INSR: variants seen among roughly 807,000 people sequenced by gnomAD.
INSR encodes the protein IR.
In INSR, 67 loss-of-function variants were observed where a neutral mutation model predicts 142.6. That is an observed-to-expected ratio of 0.47 (90% CI 0.39 to 0.58). The LOEUF (loss-of-function observed/expected upper bound fraction) is 0.58, where lower values mean the gene tolerates loss of function less well. Among genes scored for constraint, INSR ranks in the 20% least tolerant of loss-of-function variants. The pLI is 0.00. For missense variants in INSR, 1,248 were observed against 1,833.2 expected (o/e 0.68, Z 5.83); for synonymous variants, 756 against 743.1 (o/e 1.02, Z -0.28).
intron 13 of INSR, 125 bp from the exon 14 acceptor site, chr19:7,132,442 A>C (rs1182586547): frequency 1.9e-6 from 2 of 1,030,766 alleles, no homozygotes; most frequent in Non-Finnish European, 2.9e-6. Flanking sequence ...CAAAGCACAG[A>C]CTAAGACACA....
rs770749052 is a variant in INSR, at chr19:7,125,980, A to T, written c.3014-453T>A. ...ATCTCACCACCCCTTGGCCCTGGGCATGGCCTTGTGAGTTATTTTGGTCAA... is the reference window on the plus strand; with the variant it reads ...ATCTCACCACCCCTTGGCCCTGGGCTTGGCCTTGTGAGTTATTTTGGTCAA... On this transcript the variant is annotated intron_variant, in intron 16 of 21. Transcript: ENST00000302850. This position sits in a 1 kb window ranked among gnomAD's most constrained non-coding sequence, Gnocchi z 4.9. 1.3e-5 allele frequency among the ~76,000 whole-genome samples: 2 copies of T among 152,160 alleles called. No individual in the cohort carries two copies. Among genetic ancestry groups the T allele is most frequent in the Non-Finnish European group, 2.9e-5 (2 of 68,024 alleles).
At chr19:7,133,189 G>A (rs1240009642) in intron 13 of INSR, among the ~76,000 whole-genome samples, 1 of 152,160 alleles carries the variant, frequency 6.6e-6, no homozygotes, top group Non-Finnish European at 1.5e-5. Context: ...TTGAGCCCAG[G>A]AGGTCAAGGG....
chr19:7,172,516 C>T (rs1974041857), intron 4 of INSR, 82 bp from the exon 5 acceptor site: 8 of 1,460,508 alleles, frequency 5.5e-6, no homozygotes, highest in South Asian at 1.1e-5. Context: ...AGAAGATAAC[C>T]CTCAGGCTGC....
chr19:7,279,947 G>A (rs1968160484), intron 1 of INSR, among the ~76,000 whole-genome samples: 1 of 151,138 alleles, frequency 6.6e-6, no homozygotes, highest in Non-Finnish European at 1.5e-5. Flanking sequence ...CAGCCTAGGC[G>A]ACAGTGCGAG....
At chr19:7,229,002 G>C (rs1975869570) in intron 2 of INSR, among the ~76,000 whole-genome samples, 1 of 147,170 alleles carries the variant, frequency 6.8e-6, no homozygotes, top group Admixed American at 6.9e-5. Flanking sequence ...TGGATGGATG[G>C]ATGGACGTCT....
chr19:7,156,786 T>A (rs1235319352), intron 9 of INSR, among the ~76,000 whole-genome samples: 1 of 133,416 alleles, frequency 7.5e-6, no homozygotes, highest in African/African-American at 2.8e-5. Flanking sequence ...TTCTCTCTTT[T>A]TTTTTTTTTT....
In INSR at chr19:7,170,522, G is replaced by T. The variant is rs1266734114; in HGVS notation, c.1483+15C>A. 1.9e-6 allele frequency: 3 copies of T among 1,603,766 alleles called. No individual in the cohort carries two copies. Among genetic ancestry groups the T allele is most frequent in the Admixed American group, 1.7e-5 (1 of 59,952 alleles). ...CGGTCCCTCATGCCAAAAAGGTTGGGGACCAGTGACTTACAGGATGCCTGG... is the reference window on the plus strand; with the variant it reads ...CGGTCCCTCATGCCAAAAAGGTTGGTGACCAGTGACTTACAGGATGCCTGG... On this transcript the variant is annotated intron_variant, in intron 6 of 21. Transcript: ENST00000302850.
chr19:7,123,317 C>T (rs1231451091), intron 17 of INSR, among the ~76,000 whole-genome samples: 4 of 151,814 alleles, frequency 2.6e-5, no homozygotes, highest in African/African-American at 7.2e-5. Flanking sequence ...TACAGGTGCC[C>T]GCCTCCACAC....
At chr19:7,237,238 G>A (rs1976186646) in intron 2 of INSR, among the ~76,000 whole-genome samples, 1 of 151,974 alleles carries the variant, frequency 6.6e-6, no homozygotes, top group African/African-American at 2.4e-5. Flanking sequence ...AAAAAAACAG[G>A]CCAGACGCGG....
Position 7,132,271 on chromosome 19 carries a change from C to A in INSR, c.2729G>T (p.Gly910Val). The A allele has an allele frequency of 6.2e-7, 1 of 1,614,214 alleles. No individual in the cohort carries two copies. The highest frequency in any genetic ancestry group is 8.5e-7 in the Non-Finnish European group (1 of 1,180,044). The change falls in exon 14 of 22, where the codon GGC becomes GTC. Residue 910 changes from glycine to valine, a missense_variant. Gly to Val is a moderately radical substitution (Grantham distance 109). Transcript: ENST00000302850. ...CGGTGACAGCCCACGCAGCCTGCAG[C>A]CCCGTTCCAGAGCGAAGTGCTTGCG... ...VSRKHFALER[G>V]CRLRGLSPGN... is the part of the protein sequence containing the mutation.
chr19:7,221,308 A>G (rs998324503), intron 2 of INSR, among the ~76,000 whole-genome samples: 2 of 151,842 alleles, frequency 1.3e-5, no homozygotes, highest in African/African-American at 4.8e-5. Flanking sequence ...CAGGAGGCAG[A>G]GGTTGCAGTG....
At chr19:7,228,350 T>A (rs1975852610) in intron 2 of INSR, among the ~76,000 whole-genome samples, 1 of 152,208 alleles carries the variant, frequency 6.6e-6, no homozygotes, top group Non-Finnish European at 1.5e-5. Flanking sequence ...ACAAATGTCG[T>A]TTATGTCTCT....
At chr19:7,241,908 G>C (rs1976359090) in intron 2 of INSR, among the ~76,000 whole-genome samples, 1 of 151,972 alleles carries the variant, frequency 6.6e-6, no homozygotes, top group African/African-American at 2.4e-5. Flanking sequence ...TCATGCCTGT[G>C]CACTCTGGAA....
Position 7,113,670 on chromosome 19 carries a change from C to T in INSR, c.*3386G>A, listed in dbSNP as rs895279725. 1 of 152,154 alleles carries T rather than the reference C, an allele frequency of 6.6e-6. No homozygotes were observed. Among genetic ancestry groups the T allele is most frequent in the Non-Finnish European group, 1.5e-5 (1 of 68,026 alleles). The allele number at this position is 152,154 out of a possible 1,614,324, so 9.4% of individuals were successfully genotyped here. A position where few individuals can be genotyped will look rare whatever the true frequency, so the allele number is the denominator to read the frequency against. On this transcript the variant is annotated 3_prime_UTR_variant, in exon 22 of 22. Coordinates refer to ENST00000302850, the MANE Select transcript of INSR (RefSeq NM_000208.4). The stretch of plus-strand genomic sequence containing the variant: ...TTGCTTTTTGTTGTTGTTGTTGCAA[C>T]TTAACACTACAAACTCCCAGGACAA...
chr19:7,219,508 GGAAC>G (rs1568493972), intron 2 of INSR, among the ~76,000 whole-genome samples: 486 of 119,690 alleles, frequency 4.1e-3, no homozygotes, highest in Non-Finnish European at 4.8e-3. Flanking sequence ...AGGGAGGGAG[GGAAC>G]GAAGGAAAGA....
intron 1 of INSR, among the ~76,000 whole-genome samples, chr19:7,279,537 G>A (rs1968149631): frequency 1.3e-5 from 2 of 150,690 alleles, no homozygotes; most frequent in African/African-American, 4.9e-5. Context: ...AGGCTGAGTT[G>A]GCAGCATATT....
intron 2 of INSR, among the ~76,000 whole-genome samples, chr19:7,265,621 G>A (rs1217471843): frequency 2.0e-5 from 3 of 151,828 alleles, no homozygotes; most frequent in Non-Finnish European, 4.4e-5. Context: ...TGTAATCCCA[G>A]CTACTTGGGA....
chr19:7,149,744 C>G (rs991277625), intron 11 of INSR, among the ~76,000 whole-genome samples: 1 of 151,722 alleles, frequency 6.6e-6, no homozygotes, highest in Non-Finnish European at 1.5e-5. Context: ...ATTGCTTGAA[C>G]CCGGGAGGTG....
chr19:7,187,990 C>A (rs528942067), intron 2 of INSR, among the ~76,000 whole-genome samples: 1 of 152,208 alleles, frequency 6.6e-6, no homozygotes, highest in Non-Finnish European at 1.5e-5. Context: ...GCCAGTCTTG[C>A]TAAATTCTTC....
Sources: allele counts gnomAD v4.1 joint callset (sites outside exome capture counted in the v4.1 genomes callset), GRCh38; gene constraint gnomAD v4.1.1; non-coding constraint Gnocchi (gnomAD v3.1); transcripts MANE v1.5; gene names NCBI Gene and HGNC (gene_info 2026-07-23, HGNC 2026-07-21).